The following KCTD2 variants were observed in gnomAD, a reference collection of about 807,000 sequenced individuals.
KCTD2 encodes the protein potassium channel tetramerization domain containing 2.
Under a neutral mutation model 27.9 loss-of-function variants are expected in KCTD2, and 18 were observed. That is an observed-to-expected ratio of 0.64 (90% CI 0.45 to 0.96). KCTD2 has a LOEUF of 0.96. Among genes scored for constraint, KCTD2 ranks in the 40% least tolerant of loss-of-function variants. KCTD2 has a pLI of 0.00. For synonymous variants in KCTD2, 175 were observed against 148.4 expected (o/e 1.18, Z -1.30); for missense variants, 280 against 348.0 (o/e 0.80, Z 1.56).
intron 3 of KCTD2, among the ~76,000 whole-genome samples, chr17:75,058,926 T>C (rs1206527464): frequency 6.6e-6 from 1 of 150,996 alleles, no homozygotes; most frequent in Non-Finnish European, 1.5e-5. Context: ...TGAAACCCCG[T>C]CTCTACTAAA....
At chr17:75,054,255 C>T (rs1009980599) in intron 3 of KCTD2, among the ~76,000 whole-genome samples, 2 of 151,898 alleles carry the variant, frequency 1.3e-5, no homozygotes, top group South Asian at 2.1e-4. Flanking sequence ...TCAAGCAACC[C>T]GCCCACCTCA....
intron 3 of KCTD2, chr17:75,039,789 G>A: frequency 2.5e-6 from 1 of 393,926 alleles, no homozygotes; most frequent in Non-Finnish European, 4.6e-6. Context: ...TTTGATATAG[G>A]TATCCACCTG....
intron 3 of KCTD2, among the ~76,000 whole-genome samples, chr17:75,037,345 GAAAAAAA>G (rs56310455): frequency 7.1e-5 from 6 of 84,706 alleles, no homozygotes; most frequent in South Asian, 3.7e-4. Flanking sequence ...TTCCATATCA[GAAAAAAA>G]AAAAAAAAAA....
chr17:75,035,551 T>C (rs1220478738), intron 3 of KCTD2, among the ~76,000 whole-genome samples: 3 of 151,668 alleles, frequency 2.0e-5, no homozygotes, highest in African/African-American at 7.3e-5. Context: ...CCGGGCCCAA[T>C]GGCTCACGCC....
chr17:75,054,809 C>T (rs1449283887), intron 3 of KCTD2, among the ~76,000 whole-genome samples: 1 of 106,268 alleles, frequency 9.4e-6, no homozygotes, highest in Non-Finnish European at 2.0e-5. Context: ...GACTCCATCT[C>T]AAAAAAAAAA....
At chr17:75,033,041 A>C (rs1485379166) in intron 1 of KCTD2, 1 of 152,220 alleles carries the variant, frequency 6.6e-6, no homozygotes, top group African/African-American at 2.4e-5. Flanking sequence ...GTCCCAAGAG[A>C]AGCACAATGG....
intron 3 of KCTD2, chr17:75,040,143 G>A (rs761973103): frequency 1.3e-5 from 21 of 1,611,460 alleles, no homozygotes; most frequent in South Asian, 5.5e-5. Context: ...CCTCTGGCAC[G>A]GGAACCTTCA....
intron 3 of KCTD2, among the ~76,000 whole-genome samples, chr17:75,056,102 C>G (rs1276331164): frequency 6.6e-6 from 1 of 152,164 alleles, no homozygotes; most frequent in Non-Finnish European, 1.5e-5. Context: ...GAAAAATTAA[C>G]TCTTTTATCC....
upstream of KCTD2, among the ~76,000 whole-genome samples, chr17:75,045,791 G>A (rs535883028): frequency 3.9e-5 from 6 of 152,172 alleles, no homozygotes; most frequent in Non-Finnish European, 8.8e-5. Flanking sequence ...GTCCTGGAAC[G>A]ATATACATCC....
At chr17:75,058,830 G>T (rs2073375784) in intron 3 of KCTD2, among the ~76,000 whole-genome samples, 1 of 151,392 alleles carries the variant, frequency 6.6e-6, no homozygotes, top group Admixed American at 6.6e-5. Context: ...GGGCGCGGTG[G>T]CTCATGCCTG....
rs2073261837 is a variant in KCTD2, at chr17:75,049,338, C to G, written c.448+10C>G. 5.4e-6 allele frequency: 8 copies of G among 1,479,246 alleles called. No individual in the cohort carries two copies. Among genetic ancestry groups the G allele is most frequent in the African/African-American group, 1.4e-5 (1 of 71,804 alleles). 91.6% of individuals were successfully genotyped at this position (1,479,246 alleles called of 1,614,324 possible). A position where few individuals can be genotyped will look rare whatever the true frequency, so the allele number is the denominator to read the frequency against. On this transcript the variant is annotated intron_variant, in intron 2 of 5. Transcript: ENST00000322444. ...GAGTTGGCAGAAGAAGGTAAGCGCA[C>G]TGTTTGCATTGGGGATTTTCAAAAT...
At position 75,057,114 on chromosome 17, in the gene KCTD2, C is replaced by T. The variant is rs558831398; in HGVS notation, c.541-2396C>T. Among the ~76,000 whole-genome samples the T allele has an allele frequency of 5.3e-5, 8 of 151,918 alleles. No individual in the cohort carries two copies. In the South Asian group the frequency reaches 8.3e-4, roughly 16 times the overall value. ...GATTACAGGTGTGCACCACCACGCCCGGCTAATTTTTGTATTTTTAGTAGA... is the reference window on the plus strand; with the variant it reads ...GATTACAGGTGTGCACCACCACGCCTGGCTAATTTTTGTATTTTTAGTAGA... On this transcript the variant is annotated intron_variant, in intron 3 of 5. Transcript: ENST00000322444.
In KCTD2 at chr17:75,049,245, A is replaced by G. The variant is rs1269620319; in HGVS notation, c.365A>G (p.Asp122Gly). 6.2e-7 allele frequency: 1 copy of G among 1,613,000 alleles called. No individual in the cohort carries two copies. The highest frequency in any genetic ancestry group is 2.2e-5 in the East Asian group (1 of 44,894). ...DKDETGAYLIDRDPTYFGPIL... is the reference protein window; with the variant it reads ...DKDETGAYLIGRDPTYFGPIL... ...GATGAGACAGGAGCCTATCTGATTG[A>G]CAGGGACCCCACCTACTTTGGTCCT... The change falls in exon 2 of 6, where the codon GAC becomes GGC. Residue 122 changes from aspartate (D) to glycine (G), a missense_variant. By Grantham distance (94) the Asp-to-Gly change is moderately conservative. Coordinates refer to ENST00000322444, the MANE Select transcript of KCTD2 (RefSeq NM_015353.3).
At chr17:75,040,136 C>G in intron 3 of KCTD2, 1 of 1,612,536 alleles carries the variant, frequency 6.2e-7, no homozygotes, top group South Asian at 1.1e-5. Context: ...TATTTATCCT[C>G]TGGCACGGGA....
chr17:75,058,848 A>G (rs2073375904), intron 3 of KCTD2, among the ~76,000 whole-genome samples: 2 of 152,042 alleles, frequency 1.3e-5, no homozygotes, highest in South Asian at 4.1e-4. Context: ...CTGTAATCCC[A>G]GCACTTTGGG....
chr17:75,039,809 C>T (rs904586115), intron 3 of KCTD2: 16 of 426,434 alleles, frequency 3.8e-5, no homozygotes, highest in African/African-American at 2.8e-4. Context: ...GTGAAACCAG[C>T]AGTCCCCTCT....
chr17:75,058,838 C>T (rs1471120937), intron 3 of KCTD2, among the ~76,000 whole-genome samples: 1 of 151,616 alleles, frequency 6.6e-6, no homozygotes, highest in Non-Finnish European at 1.5e-5. Context: ...TGGCTCATGC[C>T]TGTAATCCCA....
At chr17:75,042,176 C>G in intron 3 of KCTD2, 1 of 1,613,344 alleles carries the variant, frequency 6.2e-7, no homozygotes, top group African/African-American at 1.3e-5. Flanking sequence ...GGTGTGAAGT[C>G]TCACCTTCTT....
chr17:75,034,475 C>T (rs993939353), intron 2 of KCTD2, among the ~76,000 whole-genome samples: 1 of 152,320 alleles, frequency 6.6e-6, no homozygotes, highest in South Asian at 2.1e-4. Context: ...CTTAGGAGGC[C>T]AGTGCCTTAT....
Sources: allele counts gnomAD v4.1 joint callset (sites outside exome capture counted in the v4.1 genomes callset), GRCh38; gene constraint gnomAD v4.1.1; transcripts MANE v1.5; gene names NCBI Gene and HGNC (gene_info 2026-07-23, HGNC 2026-07-21).